Variants in ARFGEF1 observed in about 807,000 individuals in gnomAD.
ARFGEF1 encodes the protein ARF guanine nucleotide exchange factor 1, also known as brefeldin A-inhibited guanine nucleotide-exchange protein 1.
In ARFGEF1, 42 loss-of-function variants were observed where a neutral mutation model predicts 231.0. The ratio of observed to expected loss-of-function variants is 0.18; its 90% confidence interval spans 0.14 to 0.24. The LOEUF (loss-of-function observed/expected upper bound fraction) is 0.24. Ranked by LOEUF, ARFGEF1 falls within the 10% of genes least tolerant of loss-of-function variation. The pLI is 1.00. For synonymous variants in ARFGEF1, 710 were observed against 732.3 expected, an observed-to-expected ratio of 0.97 and a Z score of 0.49; for missense variants, 1,345 against 2,192.0, an observed-to-expected ratio of 0.61 and a Z score of 7.72.
chr8:67,228,192 A>T (rs767993926), intron 24 of ARFGEF1, 32 bp downstream of exon 24: 2 of 1,608,332 alleles, frequency 1.2e-6, no homozygotes, highest in Non-Finnish European at 1.7e-6. Flanking sequence ...GCCCCAAGCC[A>T]GTTCCGAAGT....
At chr8:67,204,985 C>A in intron 34 of ARFGEF1, 166 bp from the exon 35 acceptor site, 1 of 801,084 alleles carries the variant, frequency 1.2e-6, no homozygotes. Context: ...AAAAGTTTAA[C>A]TGATATTTAG....
chr8:67,198,742 T>C lies in ARFGEF1; in HGVS notation c.*192A>G. The C allele has an allele frequency of 1.5e-6, 2 of 1,376,828 alleles. No homozygotes were observed. Among genetic ancestry groups the C allele is most frequent in the Middle Eastern group, 2.2e-4 (1 of 4,484 alleles). The allele number at this position is 1,376,828 out of a possible 1,614,324, so 85.3% of individuals were successfully genotyped here. On this transcript the variant is annotated 3_prime_UTR_variant, in exon 39 of 39. Transcript: ENST00000262215. ...GGCTTTCTGCTCAACATGAGGCCAA[T>C]ATAACACACAAAATCCACCAGCACT... is the stretch of plus-strand genomic sequence containing the variant.
At chr8:67,210,798 T>C (rs1838707407) in intron 34 of ARFGEF1, among the ~76,000 whole-genome samples, 2 of 152,230 alleles carry the variant, frequency 1.3e-5, no homozygotes, top group African/African-American at 4.8e-5. Flanking sequence ...CTCACGCCTG[T>C]AATCCCAGCA....
chr8:67,213,523 T>C (rs1838821635), intron 33 of ARFGEF1, among the ~76,000 whole-genome samples: 1 of 152,186 alleles, frequency 6.6e-6, no homozygotes, highest in African/African-American at 2.4e-5. Flanking sequence ...GTGTAATGAT[T>C]ACTTTTGTGT....
In ARFGEF1 at chr8:67,190,869, G is replaced by T. The variant is rs1836032341; in HGVS notation, c.560+9527C>A. ...ATAAAGAGCACTTGCTTGAAATTCA[G>T]ACATGGGTCTGAATCTAGGCTCTGC... On this transcript the variant is annotated intron_variant, in intron 5 of 5. Coordinates refer to the ARFGEF1 transcript ENST00000518789. 4 of 761,684 alleles carry T rather than the reference G, an allele frequency of 5.3e-6. 1 individual carries two copies. The highest frequency in any genetic ancestry group is 4.2e-5 in the Admixed American group (2 of 47,418). 47.2% of individuals were successfully genotyped at this position (761,684 alleles called of 1,614,324 possible).
intron 34 of ARFGEF1, among the ~76,000 whole-genome samples, chr8:67,207,936 G>GCCCCAGGAAAAAGT (rs1197231587): frequency 6.6e-5 from 10 of 152,182 alleles, no homozygotes; most frequent in African/African-American, 2.4e-4. Flanking sequence ...CAGGAAAGCA[G>GCCCCAGGAAAAAGT]AGCCCTTGCC....
intron 14 of ARFGEF1, among the ~76,000 whole-genome samples, chr8:67,260,859 C>T (rs1242118658): frequency 6.6e-6 from 1 of 152,174 alleles, no homozygotes. Flanking sequence ...AAGTGCTACT[C>T]CAGTGAATAC....
intron 14 of ARFGEF1, among the ~76,000 whole-genome samples, chr8:67,264,143 T>G (rs1804753305): frequency 6.6e-6 from 1 of 152,044 alleles, no homozygotes; most frequent in South Asian, 2.1e-4. Flanking sequence ...AAAAATAGAC[T>G]TTCATTCAAG....
chr8:67,324,226 A>AGTGAGGCG (rs1807725452), intron 1 of ARFGEF1, among the ~76,000 whole-genome samples: 1 of 152,214 alleles, frequency 6.6e-6, no homozygotes, highest in South Asian at 2.1e-4. Flanking sequence ...CATGGGAGGC[A>AGTGAGGCG]GAGTTTGCAG....
At chr8:67,179,789 C>T in intron 5 of ARFGEF1, 1 of 993,856 alleles carries the variant, frequency 1.0e-6, no homozygotes, top group Non-Finnish European at 1.6e-6. Flanking sequence ...AAACTTGTGC[C>T]TCTTCTTAGT....
chr8:67,308,243 A>G (rs1806837587), intron 1 of ARFGEF1, among the ~76,000 whole-genome samples: 1 of 152,220 alleles, frequency 6.6e-6, no homozygotes, highest in African/African-American at 2.4e-5. Flanking sequence ...CTGTAAGCAT[A>G]ATAAAATGAT....
chr8:67,321,755 C>T (rs376935651), intron 1 of ARFGEF1, among the ~76,000 whole-genome samples: 2 of 152,254 alleles, frequency 1.3e-5, no homozygotes, highest in Non-Finnish European at 2.9e-5. Flanking sequence ...CCACCACACC[C>T]GGCCGAGAAC....
rs758601184 is a variant in ARFGEF1 at position 67,259,805 on chromosome 8, G to A, written c.2235+10C>T. The A allele has an allele frequency of 2.0e-6, 3 of 1,528,342 alleles. No homozygotes were observed. Among genetic ancestry groups the A allele is most frequent in the Non-Finnish European group, 8.9e-7 (1 of 1,121,692 alleles). 94.7% of individuals were successfully genotyped at this position (1,528,342 alleles called of 1,614,324 possible). A position where few individuals can be genotyped will look rare whatever the true frequency, so the allele number is the denominator to read the frequency against. ...TACAGAAAAGGTTAGAATGAAAATG[G>A]TATTCTTACAGAGTCTAATCTTTCC... On this transcript the variant is annotated intron_variant, in intron 15 of 38. Coordinates refer to ENST00000262215, the MANE Select transcript of ARFGEF1 (RefSeq NM_006421.5).
intron 9 of ARFGEF1, among the ~76,000 whole-genome samples, chr8:67,273,754 C>T (rs138028380): frequency 5.3e-5 from 8 of 152,028 alleles, no homozygotes; most frequent in African/African-American, 1.7e-4. Context: ...AAAAAAAATG[C>T]TTAGATAAAT....
chr8:67,175,367 C>G (rs374717800), downstream of ARFGEF1: 8 of 1,613,846 alleles, frequency 5.0e-6, no homozygotes, highest in African/African-American at 2.7e-5. Context: ...CTTAGAGATT[C>G]AGCAGCAAGC....
At chr8:67,239,958 G>C (rs556048284) in intron 20 of ARFGEF1, among the ~76,000 whole-genome samples, 1 of 152,140 alleles carries the variant, frequency 6.6e-6, no homozygotes, top group African/African-American at 2.4e-5. Context: ...AAGTTATAAT[G>C]ATAAACTTAG....
chr8:67,328,961 T>TA (rs1187136191), intron 1 of ARFGEF1, among the ~76,000 whole-genome samples: 1 of 152,168 alleles, frequency 6.6e-6, no homozygotes, highest in Non-Finnish European at 1.5e-5. Context: ...CCCAGTAGCC[T>TA]ACACCTGTAT....
chr8:67,218,329 A>G (rs892455233), intron 30 of ARFGEF1, among the ~76,000 whole-genome samples, 191 bp from the exon 31 acceptor site: 5 of 150,222 alleles, frequency 3.3e-5, no homozygotes, highest in South Asian at 2.1e-4. Context: ...TTAAAATCTG[A>G]TATCTATTGC....
downstream of ARFGEF1, chr8:67,173,915 A>G (rs1340121888): frequency 5.9e-5 from 9 of 152,208 alleles, no homozygotes. Context: ...GATTGGCCAG[A>G]GACTACATGA....
Sources: allele counts gnomAD v4.1 joint callset (sites outside exome capture counted in the v4.1 genomes callset), GRCh38; gene constraint gnomAD v4.1.1; transcripts MANE v1.5; gene names NCBI Gene and HGNC (gene_info 2026-07-23, HGNC 2026-07-21).